KCNIP4: variants seen among roughly 807,000 people sequenced by gnomAD.
KCNIP4 encodes Kv channel-interacting protein 4.
In KCNIP4, 12 loss-of-function variants were observed where a neutral mutation model predicts 34.0. The ratio of observed to expected loss-of-function variants is 0.35; its 90% CI spans 0.23 to 0.57. The LOEUF (loss-of-function observed/expected upper bound fraction) is 0.57. Ranked by LOEUF, KCNIP4 falls within the 20% of genes least tolerant of loss-of-function variation. The pLI, the probability that KCNIP4 is intolerant of heterozygous loss-of-function variation, is 0.83. For synonymous variants in KCNIP4, 124 were observed against 102.2 expected (o/e 1.21, Z -1.29); for missense variants, 238 against 311.7 (o/e 0.76, Z 1.78).
rs569532279 is a variant in KCNIP4, at chr4:21,736,058, T to C, written c.61+212513A>G. Among the ~76,000 whole-genome samples the C allele has an allele frequency of 5.6e-4, 85 of 152,296 alleles. 1 individual carries two copies. Among genetic ancestry groups the C allele is most frequent in the African/African-American group, 1.9e-3 (78 of 41,574 alleles). On this transcript the variant is annotated intron_variant, in intron 1 of 8. Transcript: ENST00000382152. The stretch of plus-strand genomic sequence containing the variant: ...GTTAGAGACGGCGTGTGACTTAGTG[T>C]GCTCATTTAACCTTAATGTGGTGAC...
At chr4:21,925,699 T>C (rs770696568) in intron 1 of KCNIP4, among the ~76,000 whole-genome samples, 13 of 152,212 alleles carry the variant, frequency 8.5e-5, no homozygotes, top group Non-Finnish European at 1.8e-4. Flanking sequence ...TAGATTCCTC[T>C]GATGCAGTCT....
chr4:21,611,665 T>C (rs1447227336), intron 1 of KCNIP4, among the ~76,000 whole-genome samples: 2 of 152,164 alleles, frequency 1.3e-5, no homozygotes, highest in Admixed American at 1.3e-4. Context: ...GTTTTTGTTT[T>C]TGTTTTTTTC....
intron 1 of KCNIP4, among the ~76,000 whole-genome samples, chr4:21,306,924 G>A (rs991362943): frequency 3.3e-5 from 5 of 151,992 alleles, no homozygotes; most frequent in African/African-American, 1.2e-4. Context: ...CTGGGTTCAA[G>A]CAATTCTCCT....
At chr4:21,580,843 C>T (rs1383849341) in intron 1 of KCNIP4, among the ~76,000 whole-genome samples, 1 of 151,994 alleles carries the variant, frequency 6.6e-6, no homozygotes, top group Non-Finnish European at 1.5e-5. Context: ...ATTTCCTTTC[C>T]TGAGTATTGC....
intron 3 of KCNIP4, among the ~76,000 whole-genome samples, chr4:20,828,754 C>A (rs888053236): frequency 1.3e-5 from 2 of 152,116 alleles, no homozygotes; most frequent in African/African-American, 2.4e-5. Context: ...ATTTTTATAT[C>A]CACACAGAAA....
chr4:21,868,408 T>C (rs2035983578), intron 1 of KCNIP4, among the ~76,000 whole-genome samples: 1 of 152,126 alleles, frequency 6.6e-6, no homozygotes, highest in African/African-American at 2.4e-5. Context: ...AAAAAAGAGG[T>C]TGTATAGGCT....
rs542105316 is a variant in KCNIP4 at position 21,369,713 on chromosome 4, T to C, written c.62-487004A>G. ...CATTTAATTCCAATGAGAACTATTA[T>C]TACCTCTATTTTACAAAAGAGGAAA... On this transcript the variant is annotated intron_variant, in intron 1 of 8. Transcript: ENST00000382152. 1.2e-4 allele frequency among the ~76,000 whole-genome samples: 18 copies of C among 147,572 alleles called. 3 individuals are homozygous for C. The highest frequency in any genetic ancestry group is 4.8e-4 in the African/African-American group (18 of 37,162).
chr4:21,199,730 A>G (rs962716565), intron 1 of KCNIP4, among the ~76,000 whole-genome samples: 1 of 60,520 alleles, frequency 1.7e-5, no homozygotes, highest in Admixed American at 1.3e-4. Flanking sequence ...TGCTATAAAG[A>G]TACATGCACA....
chr4:21,894,811 T>C (rs918008441), intron 1 of KCNIP4, among the ~76,000 whole-genome samples: 2 of 152,196 alleles, frequency 1.3e-5, no homozygotes, highest in African/African-American at 4.8e-5. Flanking sequence ...AAGGCAGGGA[T>C]AAAATCCTTC....
chr4:21,659,505 T>C (rs945045490), intron 1 of KCNIP4, among the ~76,000 whole-genome samples: 2 of 152,206 alleles, frequency 1.3e-5, no homozygotes, highest in African/African-American at 4.8e-5. Context: ...ATTTTATTTC[T>C]ATCTTCATTT....
At chr4:20,797,880 C>T (rs1713686538) in intron 3 of KCNIP4, among the ~76,000 whole-genome samples, 1 of 152,140 alleles carries the variant, frequency 6.6e-6, no homozygotes, top group African/African-American at 2.4e-5. Context: ...TTTGCCTATA[C>T]CTGGATTTTG....
chr4:21,027,574 TTATAAA>T (rs905961322), intron 1 of KCNIP4, among the ~76,000 whole-genome samples: 21 of 148,790 alleles, frequency 1.4e-4, no homozygotes, highest in African/African-American at 4.9e-4. Flanking sequence ...GTTATATATA[TTATAAA>T]TATATATATT....
At chr4:21,730,507 C>T (rs1019095473) in intron 1 of KCNIP4, among the ~76,000 whole-genome samples, 1 of 151,982 alleles carries the variant, frequency 6.6e-6, no homozygotes, top group African/African-American at 2.4e-5. Flanking sequence ...CAAAATCATG[C>T]CAGTGACGGC....
chr4:21,223,534 C>T (rs1758133030), intron 1 of KCNIP4, among the ~76,000 whole-genome samples: 1 of 152,184 alleles, frequency 6.6e-6, no homozygotes, highest in African/African-American at 2.4e-5. Flanking sequence ...TCAGTTTCCT[C>T]ATCTGTAAAA....
intron 1 of KCNIP4, among the ~76,000 whole-genome samples, chr4:21,079,603 C>A (rs1434535756): frequency 1.3e-5 from 2 of 151,708 alleles, no homozygotes; most frequent in Non-Finnish European, 1.5e-5. Context: ...AACAGACCCA[C>A]AAAGATGTTC....
At chr4:21,510,692 T>C (rs568638008) in intron 1 of KCNIP4, among the ~76,000 whole-genome samples, 1 of 152,166 alleles carries the variant, frequency 6.6e-6, no homozygotes, top group African/African-American at 2.4e-5. Flanking sequence ...TGACCCCTCA[T>C]TTTTATTTGG....
intron 1 of KCNIP4, among the ~76,000 whole-genome samples, chr4:21,481,453 C>T (rs181182909): frequency 3.3e-5 from 5 of 152,202 alleles, no homozygotes; most frequent in South Asian, 4.1e-4. Context: ...AAGGTGGGGA[C>T]GCTCTGGGTC....
intron 1 of KCNIP4, among the ~76,000 whole-genome samples, chr4:21,577,967 A>G (rs942966707): frequency 6.6e-6 from 1 of 152,310 alleles, no homozygotes; most frequent in African/African-American, 2.4e-5. Flanking sequence ...AAAACTCACA[A>G]GTTTAACATT....
chr4:21,010,601 G>T (rs1252017967), intron 1 of KCNIP4, among the ~76,000 whole-genome samples: 2 of 152,170 alleles, frequency 1.3e-5, no homozygotes, highest in Admixed American at 6.5e-5. Context: ...TCACACCAGA[G>T]AATTCTGCTT....
Sources: gnomAD v4.1 joint callset for allele counts (sites outside exome capture counted in the v4.1 genomes callset) on GRCh38, gnomAD v4.1.1 for gene constraint, MANE v1.5 for transcripts, NCBI Gene and HGNC (gene_info 2026-07-23, HGNC 2026-07-21) for gene names.